The following CACNA2D3 variants were observed in gnomAD, a reference collection of about 807,000 sequenced individuals.
CACNA2D3 encodes the protein voltage-dependent calcium channel subunit alpha-2/delta-3.
Under a neutral mutation model 160.6 loss-of-function variants are expected in CACNA2D3, and 60 were observed. The ratio of observed to expected loss-of-function variants is 0.37; its 90% CI spans 0.30 to 0.46. The LOEUF is 0.46. Ranked by LOEUF, CACNA2D3 falls within the 20% of genes least tolerant of loss-of-function variation. The probability of loss-of-function intolerance (pLI) is 1.00; values close to 1 mark genes in which losing one functional copy is unlikely to be tolerated. For synonymous variants in CACNA2D3, 558 were observed against 492.9 expected (o/e 1.13, Z -1.75); for missense variants, 1,205 against 1,365.0 (o/e 0.88, Z 1.85).
At chr3:54,961,593 A>G (rs565606358) in intron 27 of CACNA2D3, among the ~76,000 whole-genome samples, 3 of 152,160 alleles carry the variant, frequency 2.0e-5, no homozygotes, top group Admixed American at 1.3e-4. Flanking sequence ...TGAAATGGTA[A>G]TTGTCCACAT....
At chr3:54,710,876 AAT>A (rs1343325722) in intron 11 of CACNA2D3, among the ~76,000 whole-genome samples, 3 of 152,304 alleles carry the variant, frequency 2.0e-5, no homozygotes, top group South Asian at 4.2e-4. Context: ...TATTTAATTA[AAT>A]CTCCTTACCT....
intron 9 of CACNA2D3, among the ~76,000 whole-genome samples, chr3:54,597,453 A>G (rs1224630179): frequency 6.6e-6 from 1 of 152,028 alleles, no homozygotes; most frequent in Non-Finnish European, 1.5e-5. Context: ...CTCAGTGGGC[A>G]CTTGTACTCT....
At chr3:55,072,361 G>A (rs1704829753) in intron 35 of CACNA2D3, among the ~76,000 whole-genome samples, 1 of 152,182 alleles carries the variant, frequency 6.6e-6, no homozygotes, top group Non-Finnish European at 1.5e-5. Context: ...TTCAACATAT[G>A]AGGTGGCAAC....
At chr3:54,600,571 C>T (rs1703042476) in intron 9 of CACNA2D3, among the ~76,000 whole-genome samples, 1 of 152,126 alleles carries the variant, frequency 6.6e-6, no homozygotes, top group African/African-American at 2.4e-5. Context: ...ACTCAGGGGT[C>T]AGGAGCTGAG....
intron 11 of CACNA2D3, among the ~76,000 whole-genome samples, chr3:54,650,471 C>T (rs1474199343): frequency 2.6e-5 from 4 of 152,164 alleles, no homozygotes; most frequent in Admixed American, 2.0e-4. Flanking sequence ...TCAAGTGATT[C>T]TTCTGCCTCA....
At chr3:54,468,515 G>C (rs964298945) in intron 4 of CACNA2D3, among the ~76,000 whole-genome samples, 1 of 152,220 alleles carries the variant, frequency 6.6e-6, no homozygotes, top group African/African-American at 2.4e-5. Context: ...CGTTTGGTCA[G>C]ACACTGAGCT....
At chr3:54,711,016 A>G (rs1274132008) in intron 11 of CACNA2D3, among the ~76,000 whole-genome samples, 2 of 152,160 alleles carry the variant, frequency 1.3e-5, no homozygotes, top group African/African-American at 4.8e-5. Flanking sequence ...ATAGAAGGTA[A>G]TTGAACTTTT....
At chr3:54,511,050 C>T (rs1701450805) in intron 5 of CACNA2D3, among the ~76,000 whole-genome samples, 2 of 152,202 alleles carry the variant, frequency 1.3e-5, no homozygotes, top group South Asian at 4.1e-4. Context: ...TCTTCCTGGT[C>T]ATGCTAGATC....
At chr3:54,778,525 A>T (rs953265272) in intron 13 of CACNA2D3, among the ~76,000 whole-genome samples, 24 of 152,112 alleles carry the variant, frequency 1.6e-4, no homozygotes, top group African/African-American at 5.8e-4. Context: ...CCTCCAGTCT[A>T]GAGTGGGGCA....
chr3:54,648,140 T>G (rs892566210), intron 11 of CACNA2D3, among the ~76,000 whole-genome samples: 10 of 152,164 alleles, frequency 6.6e-5, no homozygotes, highest in African/African-American at 2.4e-4. Context: ...ATTAGCCAGG[T>G]TATTTAAAGG....
At chr3:54,475,544 G>T (rs1447443274) in intron 4 of CACNA2D3, among the ~76,000 whole-genome samples, 3 of 151,964 alleles carry the variant, frequency 2.0e-5, no homozygotes, top group Non-Finnish European at 4.4e-5. Context: ...CAGTTTCTTT[G>T]GGTTCTTCTT....
intron 13 of CACNA2D3, among the ~76,000 whole-genome samples, chr3:54,768,728 A>G (rs992664467): frequency 8.5e-5 from 13 of 152,224 alleles, no homozygotes; most frequent in African/African-American, 3.1e-4. Context: ...GTATGCCAAG[A>G]TGACAGAGCT....
chr3:54,216,644 C>T (rs1701468408), intron 2 of CACNA2D3, among the ~76,000 whole-genome samples: 1 of 152,180 alleles, frequency 6.6e-6, no homozygotes, highest in Admixed American at 6.5e-5. Context: ...GGTGGCAGAG[C>T]ATAATTGGAG....
intron 27 of CACNA2D3, among the ~76,000 whole-genome samples, chr3:54,913,852 C>T (rs1029128141): frequency 2.6e-5 from 4 of 152,092 alleles, no homozygotes; most frequent in Admixed American, 2.0e-4. Context: ...TCTGTGTCTT[C>T]GTATGTAATG....
chr3:54,314,203 A>G (rs769999269), intron 2 of CACNA2D3, among the ~76,000 whole-genome samples: 49 of 152,322 alleles, frequency 3.2e-4, no homozygotes, highest in Middle Eastern at 6.8e-3. Flanking sequence ...ATGGTCTCCA[A>G]TTCCCTCCAG....
chr3:55,001,758 TCAGTGTACTTCTACA>T (rs1702983839), intron 31 of CACNA2D3, among the ~76,000 whole-genome samples: 1 of 152,230 alleles, frequency 6.6e-6, no homozygotes, highest in South Asian at 2.1e-4. Flanking sequence ...AGAGCATATT[TCAGTGTACTTCTACA>T]CAGCTGGTTA....
intron 2 of CACNA2D3, among the ~76,000 whole-genome samples, chr3:54,188,262 A>G (rs1370449651): frequency 6.7e-6 from 1 of 150,028 alleles, no homozygotes; most frequent in Non-Finnish European, 1.5e-5. Flanking sequence ...CAAACAAACA[A>G]ACAAACAAAA....
At chr3:54,830,427 C>T (rs547169777) in intron 14 of CACNA2D3, among the ~76,000 whole-genome samples, 8 of 150,840 alleles carry the variant, frequency 5.3e-5, no homozygotes, top group South Asian at 4.2e-4. Context: ...GGTAACTAAA[C>T]GACATCAGCT....
intron 6 of CACNA2D3, among the ~76,000 whole-genome samples, chr3:54,563,979 A>T (rs901355170): frequency 1.3e-5 from 2 of 152,242 alleles, no homozygotes; most frequent in Non-Finnish European, 2.9e-5. Flanking sequence ...AGAAATGTAA[A>T]CAATAAGCAT....
Sources: allele counts gnomAD v4.1 joint callset (sites outside exome capture counted in the v4.1 genomes callset), GRCh38; gene constraint gnomAD v4.1.1; transcripts MANE v1.5; gene names NCBI Gene and HGNC (gene_info 2026-07-23, HGNC 2026-07-21).